Variants in LINGO2 observed in about 807,000 individuals in gnomAD.
The protein encoded by LINGO2 is leucine-rich repeat and immunoglobulin-like domain-containing nogo receptor-interacting protein 2.
In LINGO2, 14 loss-of-function variants were observed where a neutral mutation model predicts 30.6. The observed-to-expected ratio is 0.46, with a 90% CI of 0.30 to 0.72. The LOEUF (loss-of-function observed/expected upper bound fraction) is 0.72. Ranked by LOEUF, LINGO2 falls within the 30% of genes least tolerant of loss-of-function variation. The pLI is 0.07. For synonymous variants in LINGO2, 317 were observed against 288.5 expected (o/e 1.10, Z -1.00); for missense variants, 729 against 751.7 (o/e 0.97, Z 0.35).
At chr9:28,872,672 T>C in the LINGO2 span, among the ~76,000 whole-genome samples, 17 of 152,258 alleles carry the variant, frequency 1.1e-4, no homozygotes, top group African/African-American at 4.1e-4. Context: ...ATAACCATAT[T>C]GTTTTGATTA....
At chr9:29,188,871 C>G in the LINGO2 span, among the ~76,000 whole-genome samples, 20,818 of 141,872 alleles carry the variant, frequency 0.15, 1,825 homozygotes, top group East Asian at 0.34. Flanking sequence ...GGCGGCTGGC[C>G]GGGCAGAGGG....
At chr9:28,629,894 G>C (rs1826853697) in intron 1 of LINGO2, among the ~76,000 whole-genome samples, 1 of 151,896 alleles carries the variant, frequency 6.6e-6, no homozygotes, top group South Asian at 2.1e-4. Flanking sequence ...CTAGCATTAG[G>C]TATATCTCCC....
At chr9:28,640,515 C>CTTT (rs151049514) in intron 1 of LINGO2, among the ~76,000 whole-genome samples, 47 of 139,514 alleles carry the variant, frequency 3.4e-4, no homozygotes, top group Admixed American at 1.8e-3. Flanking sequence ...AGGCCTTGTT[C>CTTT]TTTTTTTTTT....
chr9:28,159,489 T>C (rs556402342), intron 4 of LINGO2, among the ~76,000 whole-genome samples: 1 of 152,280 alleles, frequency 6.6e-6, no homozygotes, highest in Admixed American at 6.5e-5. Flanking sequence ...TATATATTTG[T>C]GGAGTACAAT....
At chr9:28,604,929 A>T (rs895668487) in intron 1 of LINGO2, among the ~76,000 whole-genome samples, 1 of 152,142 alleles carries the variant, frequency 6.6e-6, no homozygotes, top group East Asian at 1.9e-4. Context: ...ACATGCAGGT[A>T]AGCACTATTT....
chr9:28,161,639 G>T (rs1490756248), intron 4 of LINGO2, among the ~76,000 whole-genome samples: 1 of 151,900 alleles, frequency 6.6e-6, no homozygotes, highest in Non-Finnish European at 1.5e-5. Context: ...GAACGAGAAG[G>T]ATTCATGTGT....
intron 4 of LINGO2, among the ~76,000 whole-genome samples, chr9:28,050,025 G>A (rs1824599956): frequency 6.6e-6 from 1 of 150,754 alleles, no homozygotes; most frequent in African/African-American, 2.5e-5. Flanking sequence ...GCTGAAGCAG[G>A]AATGGAAATG....
At chr9:28,280,090 C>T (rs1394943584) in intron 4 of LINGO2, among the ~76,000 whole-genome samples, 1 of 151,890 alleles carries the variant, frequency 6.6e-6, no homozygotes, top group Middle Eastern at 3.2e-3. Flanking sequence ...TGAGAGAATG[C>T]TAAATGGAGT....
intron 4 of LINGO2, among the ~76,000 whole-genome samples, chr9:28,215,821 C>T (rs1250257884): frequency 6.6e-6 from 1 of 151,812 alleles, no homozygotes; most frequent in East Asian, 1.9e-4. Context: ...ATTCTGTGCA[C>T]CTGTCGGTTG....
rs755588364 is a variant in LINGO2 at position 28,147,639 on chromosome 9, C to T, written c.-86-135234G>A. Among the ~76,000 whole-genome samples the T allele has an allele frequency of 6.6e-5, 10 of 152,226 alleles. No individual in the cohort carries two copies. The highest frequency in any genetic ancestry group is 1.0e-4 in the Non-Finnish European group (7 of 68,002). ...CACTGGGTGCCAGCCAGCACCTGGGCGAGGTGCCAGGTGGAAGGGCTCTGG... is the reference window on the plus strand; with the variant it reads ...CACTGGGTGCCAGCCAGCACCTGGGTGAGGTGCCAGGTGGAAGGGCTCTGG... On this transcript the variant is annotated intron_variant, in intron 4 of 5. Coordinates refer to ENST00000379992, the Ensembl canonical transcript of LINGO2. The surrounding 1 kb of genome is among the most constrained non-coding windows in gnomAD (Gnocchi z 4.7).
chr9:29,178,040 A>G, the LINGO2 span, among the ~76,000 whole-genome samples: 1 of 147,266 alleles, frequency 6.8e-6, no homozygotes. Flanking sequence ...TTTTCCTAAT[A>G]CTTTTATTTT....
In LINGO2 at chr9:28,466,157, T is replaced by G. The variant is rs138571038; in HGVS notation, c.-279+9783A>C. On this transcript the variant is annotated intron_variant, in intron 2 of 5. Coordinates refer to ENST00000379992, the Ensembl canonical transcript of LINGO2. ...CAAAGCAGTATATTGAAGAGATACC[T>G]GCACTCCTATGTTTATTGCAGCACT... 7.1e-3 allele frequency among the ~76,000 whole-genome samples: 1,081 copies of G among 152,298 alleles called. 11 individuals carry two copies. The highest frequency in any genetic ancestry group is 0.025 in the African/African-American group (1,037 of 41,550).
the LINGO2 span, among the ~76,000 whole-genome samples, chr9:28,867,337 T>C: frequency 6.6e-6 from 1 of 152,090 alleles, no homozygotes; most frequent in Non-Finnish European, 1.5e-5. Context: ...TTTCTCCCTT[T>C]TCTCATAAAA....
chr9:29,024,169 C>T, the LINGO2 span, among the ~76,000 whole-genome samples: 4 of 152,074 alleles, frequency 2.6e-5, no homozygotes, highest in Admixed American at 2.0e-4. Flanking sequence ...AAATATAGAT[C>T]TGATCATATA....
At chr9:29,116,213 C>A in the LINGO2 span, among the ~76,000 whole-genome samples, 640 of 151,996 alleles carry the variant, frequency 4.2e-3, 2 homozygotes, top group African/African-American at 0.015. Flanking sequence ...AACTAATAGA[C>A]TCCTAAGAAA....
the LINGO2 span, among the ~76,000 whole-genome samples, chr9:29,080,482 C>A: frequency 6.6e-6 from 1 of 152,016 alleles, no homozygotes; most frequent in Admixed American, 6.6e-5. Flanking sequence ...TTGCCTTCTG[C>A]TAGCTTTTGA....
intron 4 of LINGO2, among the ~76,000 whole-genome samples, chr9:28,070,579 A>G (rs1231659317): frequency 6.6e-6 from 1 of 152,182 alleles, no homozygotes; most frequent in Non-Finnish European, 1.5e-5. Flanking sequence ...ATTTATGTAA[A>G]ATAGTAAATC....
chr9:29,194,357 C>A, the LINGO2 span, among the ~76,000 whole-genome samples: 3 of 152,272 alleles, frequency 2.0e-5, no homozygotes, highest in East Asian at 5.8e-4. Flanking sequence ...CTGCTATGTT[C>A]TGCTATATAT....
intron 5 of LINGO2, among the ~76,000 whole-genome samples, chr9:27,982,599 G>A (rs1270815490): frequency 1.3e-5 from 2 of 151,826 alleles, no homozygotes; most frequent in African/African-American, 2.4e-5. Context: ...GCATATAAAG[G>A]TTAAGTAACT....
Sources: allele counts gnomAD v4.1 joint callset (sites outside exome capture counted in the v4.1 genomes callset), GRCh38; gene constraint gnomAD v4.1.1; non-coding constraint Gnocchi (gnomAD v3.1); transcripts MANE v1.5; gene names NCBI Gene and HGNC (gene_info 2026-07-23, HGNC 2026-07-21).